DMD: variants seen among roughly 807,000 people sequenced by gnomAD.
DMD encodes dystrophin, also known as mutant dystrophin.
A neutral mutation model predicts 330.1 loss-of-function variants in DMD; 63 were observed. The ratio of observed to expected loss-of-function variants is 0.19; its 90% CI spans 0.16 to 0.24. DMD has a LOEUF of 0.24. Ranked by LOEUF, DMD falls within the 10% of genes least tolerant of loss-of-function variation. DMD has a pLI of 1.00. For synonymous variants in DMD, 1,223 were observed against 959.8 expected, an observed-to-expected ratio of 1.27 and a Z score of -5.07; for missense variants, 3,344 against 2,684.1, an observed-to-expected ratio of 1.25 and a Z score of -5.43.
In DMD at chrX:32,471,274, G is replaced by A. The variant is rs1016177743; in HGVS notation, c.2949+890C>T. ...GCCTGGGCAACAAGAATGAAACTCC[G>A]TCTAAAAATAAAATAAAGTAGGAAA... On this transcript the variant is annotated intron_variant, in intron 22 of 78. Transcript: ENST00000357033. Among the ~76,000 whole-genome samples, 9 of 111,743 alleles carry A rather than the reference G, an allele frequency of 8.1e-5. No individual in the cohort carries two copies. The East Asian group carries it at 8.4e-4, about 10-fold the overall frequency.
At chrX:32,866,755 A>G (rs866708804) in intron 2 of DMD, among the ~76,000 whole-genome samples, 56 of 56,312 alleles carry the variant, frequency 9.9e-4, no homozygotes, top group African/African-American at 3.6e-3. Flanking sequence ...GGGGGGGGGG[A>G]CAGAGTTTCA....
intron 7 of DMD, among the ~76,000 whole-genome samples, chrX:32,808,623 T>C (rs2077123325): frequency 9.0e-6 from 1 of 111,496 alleles, no homozygotes; most frequent in African/African-American, 3.3e-5. Context: ...TATTGAAAGA[T>C]CTCCTGTTTT....
chrX:32,494,990 T>TA (rs2043347468), intron 19 of DMD, among the ~76,000 whole-genome samples: 1 of 111,137 alleles, frequency 9.0e-6, no homozygotes, highest in Non-Finnish European at 1.9e-5. Flanking sequence ...AAAATAAAAA[T>TA]AAAAAGAGTT....
chrX:33,337,465 T>C (rs1221993340), intron 1 of DMD, among the ~76,000 whole-genome samples: 4 of 111,471 alleles, frequency 3.6e-5, no homozygotes, highest in Non-Finnish European at 5.7e-5. Flanking sequence ...TAACACACTA[T>C]ACAAAAGCAT....
intron 55 of DMD, among the ~76,000 whole-genome samples, chrX:31,553,203 G>A (rs2074596543): frequency 8.9e-6 from 1 of 111,969 alleles, no homozygotes; most frequent in African/African-American, 3.2e-5. Flanking sequence ...TTCCATTACA[G>A]GTCAACTTTT....
chrX:32,312,964 A>AAAAAAAAAAAT (rs1178622320), intron 41 of DMD, among the ~76,000 whole-genome samples: 1 of 97,712 alleles, frequency 1.0e-5, no homozygotes, highest in Non-Finnish European at 2.1e-5. Context: ...AAAAAAAAAA[A>AAAAAAAAAAAT]GCCCAGGACC....
chrX:32,459,377 A>G (rs1353124455), intron 25 of DMD, among the ~76,000 whole-genome samples: 1 of 111,170 alleles, frequency 9.0e-6, no homozygotes, highest in African/African-American at 3.3e-5. Flanking sequence ...TCCATCTCTA[A>G]GAGTTTACGA....
chrX:31,178,506 G>C (rs748275998), intron 70 of DMD, 163 bp downstream of exon 70: 3 of 975,374 alleles, frequency 3.1e-6, no homozygotes, highest in Non-Finnish European at 3.9e-6. Flanking sequence ...ACGTGGGAAA[G>C]TGGCAACTGG....
intron 29 of DMD, among the ~76,000 whole-genome samples, chrX:32,422,702 T>A (rs2148037847): frequency 8.9e-6 from 1 of 111,808 alleles, no homozygotes; most frequent in East Asian, 2.8e-4. Context: ...ATATTTTTAT[T>A]CCTCATTCCA....
intron 44 of DMD, among the ~76,000 whole-genome samples, chrX:32,033,653 G>GAAAGAAAGAAAGA (rs201179363): frequency 1.7e-5 from 1 of 59,093 alleles, no homozygotes; most frequent in African/African-American, 7.0e-5. Flanking sequence ...AAGAAAGAAA[G>GAAAGAAAGAAAGA]AAGAAAGAAA....
At chrX:32,842,115 A>T (rs1005825990) in intron 4 of DMD, among the ~76,000 whole-genome samples, 1 of 112,229 alleles carries the variant, frequency 8.9e-6, no homozygotes, top group African/African-American at 3.2e-5. Context: ...GAGTAGGCAG[A>T]TAGCCAGAAA....
At chrX:33,113,892 C>T (rs1452862795) in intron 1 of DMD, among the ~76,000 whole-genome samples, 2 of 110,217 alleles carry the variant, frequency 1.8e-5, no homozygotes, top group Non-Finnish European at 3.8e-5. Flanking sequence ...CAGACACTTC[C>T]ACGGGTAGAT....
intron 1 of DMD, among the ~76,000 whole-genome samples, chrX:33,092,845 G>A (rs1327730958): frequency 9.1e-6 from 1 of 110,231 alleles, no homozygotes; most frequent in Admixed American, 9.8e-5. Flanking sequence ...TTGTAGCACC[G>A]TAATTTTCTT....
rs1603434819 is a variant in DMD at position 31,641,754 on chromosome X, T to A, written c.8028-13892A>T. Among the ~76,000 whole-genome samples, 4 of 111,719 alleles carry A rather than the reference T, an allele frequency of 3.6e-5. No individual in the cohort carries two copies. In the South Asian group the frequency reaches 1.5e-3, roughly 42 times the overall value. On this transcript the variant is annotated intron_variant, in intron 54 of 78. Coordinates refer to ENST00000357033, the MANE Select transcript of DMD (RefSeq NM_004006.3). ...TTTTCTTATAGTACAGTTACATACA[T>A]TTGGGAATTAGAATGGATTTTTAAT...
At chrX:32,727,177 C>A (rs769561294) in intron 7 of DMD, among the ~76,000 whole-genome samples, 1 of 111,220 alleles carries the variant, frequency 9.0e-6, no homozygotes, top group African/African-American at 3.2e-5. Context: ...CCAACTGGTA[C>A]AAAAATTCAG....
At chrX:31,832,935 G>A (rs1480604756) in intron 49 of DMD, among the ~76,000 whole-genome samples, 1 of 111,512 alleles carries the variant, frequency 9.0e-6, no homozygotes, top group African/African-American at 3.3e-5. Flanking sequence ...TTAAGCTCAA[G>A]ACAGTTAAAA....
intron 42 of DMD, among the ~76,000 whole-genome samples, chrX:32,308,357 C>T (rs1440539417): frequency 9.0e-6 from 1 of 111,348 alleles, no homozygotes. Context: ...TTCAAACCTT[C>T]CCAACCAGCA....
rs1280225734 is a variant in DMD at position 32,178,968 on chromosome X, CTCT to C, written c.6438+37945_6438+37947del. 2.9e-3 allele frequency among the ~76,000 whole-genome samples: 304 copies of C among 104,197 alleles called. 2 individuals carry two copies. Among genetic ancestry groups the C allele is most frequent in the African/African-American group, 0.01 (279 of 27,330 alleles). 90.5% of individuals were successfully genotyped at this position (104,197 alleles called of 115,157 possible). ...TCTCTCTCTCTCTCTCTCTCTCTCT[CTCT>C]CTCTCTCTCTCCCTCTCCTCCTGCT... On this transcript the variant is annotated intron_variant, in intron 44 of 78. Transcript: ENST00000357033.
intron 48 of DMD, among the ~76,000 whole-genome samples, chrX:31,852,800 A>T (rs1418287286): frequency 8.9e-6 from 1 of 112,533 alleles, no homozygotes; most frequent in Non-Finnish European, 1.9e-5. Flanking sequence ...TTTAATAATC[A>T]AACATTAGAA....
Sources: allele counts gnomAD v4.1 joint callset (sites outside exome capture counted in the v4.1 genomes callset), GRCh38; gene constraint gnomAD v4.1.1; transcripts MANE v1.5; gene names NCBI Gene and HGNC (gene_info 2026-07-23, HGNC 2026-07-21).